Variants in SEZ6L observed in about 807,000 individuals in gnomAD.
SEZ6L encodes the protein seizure 6-like protein.
A neutral mutation model predicts 106.2 loss-of-function variants in SEZ6L; 37 were observed. That is an observed-to-expected ratio of 0.35 (90% confidence interval 0.27 to 0.46). SEZ6L has a LOEUF of 0.46. Among genes scored for constraint, SEZ6L ranks in the 20% least tolerant of loss-of-function variants. The pLI is 1.00. For missense variants in SEZ6L, 1,172 were observed against 1,332.8 expected (o/e 0.88, Z 1.88); for synonymous variants, 541 against 570.4 (o/e 0.95, Z 0.73).
At chr22:26,176,382 G>A (rs1403235071) in intron 1 of SEZ6L, among the ~76,000 whole-genome samples, 7 of 152,252 alleles carry the variant, frequency 4.6e-5, no homozygotes, top group Non-Finnish European at 8.8e-5. Context: ...ACTCCAAGAG[G>A]AGAGATGCTT....
At chr22:26,172,020 G>T (rs1473375454) in intron 1 of SEZ6L, among the ~76,000 whole-genome samples, 1 of 152,010 alleles carries the variant, frequency 6.6e-6, no homozygotes, top group Admixed American at 6.6e-5. Flanking sequence ...TGCAGGTCAC[G>T]TGGTTCTCTG....
intron 13 of SEZ6L, among the ~76,000 whole-genome samples, chr22:26,366,706 TCAAA>T (rs35344967): frequency 0.74 from 112,152 of 150,754 alleles, 42,746 homozygotes; most frequent in East Asian, 0.96. Context: ...AGACTCTGTC[TCAAA>T]CAAACAAACA....
intron 1 of SEZ6L, among the ~76,000 whole-genome samples, chr22:26,246,951 G>C (rs1004308622): frequency 6.6e-6 from 1 of 152,168 alleles, no homozygotes; most frequent in Non-Finnish European, 1.5e-5. Context: ...AAATTCTTGA[G>C]AGGTCATTCT....
intron 13 of SEZ6L, among the ~76,000 whole-genome samples, chr22:26,369,989 T>C (rs969968294): frequency 1.3e-5 from 2 of 152,240 alleles, no homozygotes; most frequent in East Asian, 3.8e-4. Context: ...GAGTAAAGAT[T>C]GCCTGTAAAC....
In SEZ6L at chr22:26,299,138, G is replaced by T. The variant is rs149068026; in HGVS notation, c.1317G>T (p.Pro439=). The T allele has an allele frequency of 5.7e-5, 90 of 1,567,308 alleles. No individual in the cohort carries two copies. Among genetic ancestry groups the T allele is most frequent in the Non-Finnish European group, 7.1e-5 (82 of 1,155,232 alleles). ...KMLTCINASK[P]HWSSQEPICS... ...TGACATGCATCAATGCCTCCAAGCC[G>T]CACTGGAGCAGCCAGGAGCCCATCT... Residue 439 remains proline, a synonymous_variant, in exon 5 of 17, where the codon CCG becomes CCT. Coordinates refer to ENST00000248933, the MANE Select transcript of SEZ6L (RefSeq NM_021115.5).
intron 1 of SEZ6L, among the ~76,000 whole-genome samples, chr22:26,212,231 G>A (rs1193020282): frequency 1.3e-5 from 2 of 152,134 alleles, no homozygotes; most frequent in African/African-American, 2.4e-5. Context: ...ATCATGGCAC[G>A]GGGCCTGGTC....
chr22:26,354,110 C>T (rs1261707508), intron 12 of SEZ6L, among the ~76,000 whole-genome samples: 1 of 152,092 alleles, frequency 6.6e-6, no homozygotes, highest in East Asian at 1.9e-4. Context: ...GACATCCTAA[C>T]CCATGGTATC....
intron 6 of SEZ6L, 117 bp from the exon 7 acceptor site, chr22:26,310,553 T>G: frequency 8.2e-6 from 9 of 1,100,228 alleles, no homozygotes; most frequent in African/African-American, 1.6e-5. Flanking sequence ...AGAGGCAGAG[T>G]TAGGTTTGGG....
chr22:26,361,344 A>AC (rs1225043920), intron 12 of SEZ6L, among the ~76,000 whole-genome samples: 2 of 25,690 alleles, frequency 7.8e-5, no homozygotes, highest in African/African-American at 1.9e-4. Context: ...CTAAAAATAC[A>AC]AAAACAAAAA....
rs570972026 is a variant in SEZ6L at position 26,219,372 on chromosome 22, AT to A, written c.94+49617del. 2.4e-4 allele frequency among the ~76,000 whole-genome samples: 35 copies of A among 146,396 alleles called. 1 individual carries two copies. The South Asian group carries it at 5.2e-3, about 22-fold the overall frequency. ...CAAGTCTGAGCCCTCTTGCCTTTTTATTTTTTTTGTTTGTTTTTTTACAAAA... is the reference window on the plus strand; with the variant it reads ...CAAGTCTGAGCCCTCTTGCCTTTTTATTTTTTTGTTTGTTTTTTTACAAAA... On this transcript the variant is annotated intron_variant, in intron 1 of 16. Transcript: ENST00000248933.
chr22:26,263,668 C>T (rs1330652248), intron 1 of SEZ6L, among the ~76,000 whole-genome samples: 1 of 152,200 alleles, frequency 6.6e-6, no homozygotes, highest in Non-Finnish European at 1.5e-5. Flanking sequence ...CCCTTTTATG[C>T]AGTGGCCTGT....
At chr22:26,216,788 A>T (rs1288114775) in intron 1 of SEZ6L, among the ~76,000 whole-genome samples, 1 of 152,244 alleles carries the variant, frequency 6.6e-6, no homozygotes, top group Non-Finnish European at 1.5e-5. Flanking sequence ...TTTATCAGAC[A>T]TCATGCTATT....
chr22:26,176,460 C>A (rs1197631485), intron 1 of SEZ6L, among the ~76,000 whole-genome samples: 1 of 152,202 alleles, frequency 6.6e-6, no homozygotes, highest in Non-Finnish European at 1.5e-5. Context: ...TTTATCCCAG[C>A]CTCTTTCATA....
At chr22:26,203,195 C>T (rs1941085323) in intron 1 of SEZ6L, among the ~76,000 whole-genome samples, 1 of 152,202 alleles carries the variant, frequency 6.6e-6, no homozygotes, top group Non-Finnish European at 1.5e-5. Flanking sequence ...AAGTGTGGCT[C>T]CTTAGACATT....
At chr22:26,301,376 C>A (rs948163767) in intron 5 of SEZ6L, among the ~76,000 whole-genome samples, 4 of 152,236 alleles carry the variant, frequency 2.6e-5, no homozygotes, top group Non-Finnish European at 4.4e-5. Context: ...GTAGGCATTG[C>A]ACCTGTTGCT....
intron 1 of SEZ6L, among the ~76,000 whole-genome samples, chr22:26,249,019 A>C (rs1052165649): frequency 1.3e-5 from 2 of 152,150 alleles, no homozygotes; most frequent in South Asian, 4.1e-4. Flanking sequence ...GTTGCACTAA[A>C]ACTTTCTCTT....
At chr22:26,227,291 A>T (rs1385635344) in intron 1 of SEZ6L, among the ~76,000 whole-genome samples, 1 of 145,542 alleles carries the variant, frequency 6.9e-6, no homozygotes, top group Non-Finnish European at 1.5e-5. Context: ...TAAAAACTGG[A>T]TGATAACATC....
At chr22:26,339,945 C>T (rs151197638) in intron 9 of SEZ6L, among the ~76,000 whole-genome samples, 123 of 152,252 alleles carry the variant, frequency 8.1e-4, no homozygotes, top group African/African-American at 2.8e-3. Flanking sequence ...TTCAAAAACC[C>T]AACTGACGGC....
intron 1 of SEZ6L, among the ~76,000 whole-genome samples, chr22:26,182,422 C>G (rs1346547572): frequency 6.6e-6 from 1 of 152,126 alleles, no homozygotes; most frequent in African/African-American, 2.4e-5. Flanking sequence ...GATATTTGTG[C>G]TTTATGGAAA....
Sources: gnomAD v4.1 joint callset for allele counts (sites outside exome capture counted in the v4.1 genomes callset) on GRCh38, gnomAD v4.1.1 for gene constraint, MANE v1.5 for transcripts, NCBI Gene and HGNC (gene_info 2026-07-23, HGNC 2026-07-21) for gene names.